The following UTRN variants were observed in gnomAD, a reference collection of about 807,000 sequenced individuals.
The protein encoded by UTRN is dystrophin-related protein 1.
In UTRN, 283 loss-of-function variants were observed where a neutral mutation model predicts 463.9. That is an observed-to-expected ratio of 0.61 (90% CI 0.55 to 0.67). The LOEUF (loss-of-function observed/expected upper bound fraction) is 0.67. Among genes scored for constraint, UTRN ranks in the 30% least tolerant of loss-of-function variants. UTRN has a pLI of 0.00. For missense variants in UTRN, 3,922 were observed against 4,084.3 expected (o/e 0.96, Z 1.08); for synonymous variants, 1,442 against 1,431.5 (o/e 1.01, Z -0.17).
At chr6:144,500,376 C>T (rs943815394) in intron 34 of UTRN, among the ~76,000 whole-genome samples, 1 of 152,110 alleles carries the variant, frequency 6.6e-6, no homozygotes, top group African/African-American at 2.4e-5. Flanking sequence ...TGATGTTGAG[C>T]ATTTTTTCGT....
At chr6:144,405,819 A>G (rs1326927702) in intron 3 of UTRN, among the ~76,000 whole-genome samples, 1 of 152,210 alleles carries the variant, frequency 6.6e-6, no homozygotes, top group Non-Finnish European at 1.5e-5. Flanking sequence ...CACTTACTCT[A>G]TGTAGAGTGA....
At chr6:144,549,700 A>T (rs1798729283) in intron 47 of UTRN, among the ~76,000 whole-genome samples, 1 of 152,188 alleles carries the variant, frequency 6.6e-6, no homozygotes, top group African/African-American at 2.4e-5. Flanking sequence ...ACTGTGTGGG[A>T]TTTTGGCATC....
intron 53 of UTRN, among the ~76,000 whole-genome samples, chr6:144,704,912 A>C (rs1784938921): frequency 1.3e-5 from 2 of 152,200 alleles, no homozygotes; most frequent in Non-Finnish European, 2.9e-5. Context: ...CAGTGAGCCA[A>C]GATCACGCCA....
intron 51 of UTRN, among the ~76,000 whole-genome samples, chr6:144,594,497 C>T (rs1204702026): frequency 6.6e-6 from 1 of 152,120 alleles, no homozygotes; most frequent in Non-Finnish European, 1.5e-5. Context: ...GTGGACAAAA[C>T]AGTATTTGTA....
chr6:144,309,598 G>A (rs537948293), intron 2 of UTRN, among the ~76,000 whole-genome samples: 2 of 152,042 alleles, frequency 1.3e-5, no homozygotes, highest in African/African-American at 4.8e-5. Flanking sequence ...CATATTTTAC[G>A]ATCTCCACTG....
At chr6:144,583,523 C>G (rs1351721339) in intron 51 of UTRN, 2 of 716,222 alleles carry the variant, frequency 2.8e-6, no homozygotes, top group African/African-American at 3.5e-5. Flanking sequence ...GAGAACGTCT[C>G]TGCAGAAAGT....
At chr6:144,640,656 G>C (rs1324098063) in intron 51 of UTRN, among the ~76,000 whole-genome samples, 1 of 152,082 alleles carries the variant, frequency 6.6e-6, no homozygotes, top group East Asian at 1.9e-4. Context: ...CATGAAAATT[G>C]CTATATAAAT....
chr6:144,347,843 T>TTG (rs1425734345), intron 2 of UTRN, among the ~76,000 whole-genome samples: 3 of 145,258 alleles, frequency 2.1e-5, no homozygotes, highest in African/African-American at 8.5e-5. Flanking sequence ...CTTTGTTTTT[T>TTG]TTTTTTGTTT....
chr6:144,694,173 A>G (rs985857982), intron 52 of UTRN, among the ~76,000 whole-genome samples: 1 of 151,732 alleles, frequency 6.6e-6, no homozygotes, highest in African/African-American at 2.4e-5. Context: ...TGTTCTGTTT[A>G]TGTGAAGAAT....
intron 32 of UTRN, among the ~76,000 whole-genome samples, chr6:144,491,991 C>T (rs1311547578): frequency 1.3e-5 from 2 of 152,092 alleles, no homozygotes; most frequent in South Asian, 4.2e-4. Context: ...ACTACGATTT[C>T]TTTTTTTATA....
intron 51 of UTRN, among the ~76,000 whole-genome samples, chr6:144,646,995 T>G (rs1778370423): frequency 1.3e-5 from 2 of 152,142 alleles, no homozygotes; most frequent in Non-Finnish European, 2.9e-5. Context: ...TGCTATGCTA[T>G]TTTGTCCAGC....
intron 51 of UTRN, among the ~76,000 whole-genome samples, chr6:144,655,827 C>G (rs1779259880): frequency 6.6e-6 from 1 of 152,186 alleles, no homozygotes. Context: ...AATAAAATTA[C>G]TAAATAGGTC....
chr6:144,434,264 G>C lies in UTRN; in HGVS notation c.856-1671G>C, dbSNP rs564632554. Among the ~76,000 whole-genome samples the C allele has an allele frequency of 2.6e-5, 4 of 152,038 alleles. No homozygotes were observed. In the South Asian group the frequency reaches 8.3e-4, roughly 32 times the overall value. ...AGGCTGAGGCAGGAGAATCAGGCAGGGAGGTTGCAGTGAGCCGAGATGGCA... is the reference window on the plus strand; with the variant it reads ...AGGCTGAGGCAGGAGAATCAGGCAGCGAGGTTGCAGTGAGCCGAGATGGCA... On this transcript the variant is annotated intron_variant, in intron 9 of 74. Transcript: ENST00000367545.
intron 51 of UTRN, among the ~76,000 whole-genome samples, chr6:144,595,685 A>T (rs1268479726): frequency 6.6e-6 from 1 of 152,222 alleles, no homozygotes; most frequent in Non-Finnish European, 1.5e-5. Context: ...TCAATCCAGA[A>T]TTAGGGCAGC....
intron 51 of UTRN, among the ~76,000 whole-genome samples, chr6:144,604,946 CAAAA>C (rs35056128): frequency 2.1e-4 from 32 of 150,988 alleles, no homozygotes; most frequent in African/African-American, 7.5e-4. Context: ...AAATAAACGA[CAAAA>C]AAAAATCACT....
In UTRN at chr6:144,423,592, T is replaced by A; in HGVS notation, c.278T>A (p.Val93Asp). The change falls in exon 5 of 75, where the codon GTC (valine) becomes GAC (aspartate). Residue 93 changes from valine (V) to aspartate (D), a missense_variant. By Grantham distance (152) the Val-to-Asp change is radical. Around this residue, in one of 3 missense-constraint regions of UTRN, gnomAD observed 264 missense variants for 327.9 expected, o/e 0.81. Coordinates refer to ENST00000367545, the MANE Select transcript of UTRN (RefSeq NM_007124.3). ...ACAAGGGTACATGCCTTAAATAACG[T>A]CAACAGAGTGCTGCAGGTTTTACAT... ...GSTRVHALNNVNRVLQVLHQN... is the reference protein window; with the variant it reads ...GSTRVHALNNDNRVLQVLHQN... The A allele has an allele frequency of 6.2e-7, 1 of 1,614,230 alleles. No individual in the cohort carries two copies. The highest frequency in any genetic ancestry group is 8.5e-7 in the Non-Finnish European group (1 of 1,180,046).
intron 51 of UTRN, among the ~76,000 whole-genome samples, chr6:144,607,623 T>C (rs1405030759): frequency 6.6e-6 from 1 of 152,208 alleles, no homozygotes; most frequent in African/African-American, 2.4e-5. Context: ...GATGACATTA[T>C]CCTGGTGGGC....
intron 54 of UTRN, among the ~76,000 whole-genome samples, chr6:144,735,977 T>C (rs562756578): frequency 5.9e-5 from 9 of 152,212 alleles, no homozygotes; most frequent in African/African-American, 2.2e-4. Flanking sequence ...TGTTTTAAGC[T>C]CCATGTTTTT....
chr6:144,455,290 C>T (rs1312678011), intron 19 of UTRN, among the ~76,000 whole-genome samples: 1 of 152,106 alleles, frequency 6.6e-6, no homozygotes, highest in Non-Finnish European at 1.5e-5. Context: ...AAAATCCATT[C>T]TAGCAGATTG....
Sources: gnomAD v4.1 joint callset for allele counts (sites outside exome capture counted in the v4.1 genomes callset) on GRCh38, gnomAD v4.1.1 for gene constraint, gnomAD v4.1.1 regional missense constraint, MANE v1.5 for transcripts, NCBI Gene and HGNC (gene_info 2026-07-23, HGNC 2026-07-21) for gene names.